CYB5R4: variants seen among roughly 807,000 people sequenced by gnomAD.
The protein encoded by CYB5R4 is cytochrome b5 reductase 4.
CYB5R4 carries 55 observed loss-of-function variants against 70.2 expected under a neutral mutation model. The ratio of observed to expected loss-of-function variants is 0.78; its 90% CI spans 0.63 to 0.98. CYB5R4 has a LOEUF of 0.98. Among genes scored for constraint, CYB5R4 ranks in the 50% least tolerant of loss-of-function variants. CYB5R4 has a pLI of 0.00. For synonymous variants in CYB5R4, 197 were observed against 199.5 expected (o/e 0.99, Z 0.11); for missense variants, 562 against 612.6 (o/e 0.92, Z 0.87).
intron 12 of CYB5R4, among the ~76,000 whole-genome samples, chr6:83,939,472 A>G (rs1171295757): frequency 6.6e-6 from 1 of 152,192 alleles, no homozygotes; most frequent in Non-Finnish European, 1.5e-5. Flanking sequence ...TTTTATGGGA[A>G]TTAAACTCAG....
chr6:83,864,232 A>C lies in CYB5R4; in HGVS notation c.133A>C (p.Lys45Gln). The change falls in exon 2 of 16, where the codon AAG (lysine) becomes CAG (glutamine). Residue 45 changes from lysine to glutamine, a missense_variant. Coordinates refer to ENST00000369681, the MANE Select transcript of CYB5R4 (RefSeq NM_016230.4). ...TTGGATTCGACTGACCAAAAGTGGA[A>C]AGGATCTAACGGGATTAAAAGGCAG... ...MDWIRLTKSG[K>Q]DLTGLKGRLI... 2 of 1,612,984 alleles carry C rather than the reference A, an allele frequency of 1.2e-6. No individual in the cohort carries two copies. The highest frequency in any genetic ancestry group is 1.7e-6 in the Non-Finnish European group (2 of 1,179,470).
chr6:83,908,531 C>G (rs2099464175), intron 3 of CYB5R4, among the ~76,000 whole-genome samples: 1 of 152,144 alleles, frequency 6.6e-6, no homozygotes, highest in Non-Finnish European at 1.5e-5. Flanking sequence ...AATAATTTTT[C>G]TACTTCATGA....
At chr6:83,922,850 G>GTGAT (rs1241483326) in intron 9 of CYB5R4, among the ~76,000 whole-genome samples, 3 of 151,922 alleles carry the variant, frequency 2.0e-5, no homozygotes, top group African/African-American at 7.3e-5. Flanking sequence ...CTGCAGCAGT[G>GTGAT]TGATCTTGGT....
chr6:83,889,100 T>C (rs1468155563), intron 2 of CYB5R4, among the ~76,000 whole-genome samples: 1 of 152,214 alleles, frequency 6.6e-6, no homozygotes, highest in East Asian at 1.9e-4. Context: ...GGTTGGTTCA[T>C]GAGGTTTAAG....
At position 83,959,961 on chromosome 6, in the gene CYB5R4, C is replaced by T; in HGVS notation, c.*83C>T. 1 of 1,081,088 alleles carries T rather than the reference C, an allele frequency of 9.2e-7. No homozygotes were observed. The highest frequency in any genetic ancestry group is 1.3e-6 in the Non-Finnish European group (1 of 766,770). The allele number at this position is 1,081,088 out of a possible 1,614,324, so 67.0% of individuals were successfully genotyped here. Reference sequence around the variant, plus strand: ...GGTTTTTTAAGAGAACATTTTTGTACATAACAAAAGGTTAACTAGAATCCA... The same window carrying T: ...GGTTTTTTAAGAGAACATTTTTGTATATAACAAAAGGTTAACTAGAATCCA... On this transcript the variant is annotated 3_prime_UTR_variant, in exon 16 of 16. Coordinates refer to ENST00000369681, the MANE Select transcript of CYB5R4 (RefSeq NM_016230.4).
intron 2 of CYB5R4, among the ~76,000 whole-genome samples, chr6:83,868,994 TAAA>T (rs1488450313): frequency 1.3e-5 from 2 of 152,234 alleles, no homozygotes; most frequent in Non-Finnish European, 2.9e-5. Context: ...TCCCTGTTGC[TAAA>T]AATTTAGCAG....
In CYB5R4 at chr6:83,916,765, T is replaced by A. The variant is rs367919916; in HGVS notation, c.446-1240T>A. The stretch of plus-strand genomic sequence containing the variant: ...TTTACATCTTACTTGCACTTGAGCT[T>A]GTCTTGAAACAAAACGTTTGTGTCT... On this transcript the variant is annotated intron_variant, in intron 5 of 15. Transcript: ENST00000369681. 2.0e-3 allele frequency among the ~76,000 whole-genome samples: 307 copies of A among 152,290 alleles called. 1 individual carries two copies. Among genetic ancestry groups the A allele is most frequent in the African/African-American group, 7.1e-3 (294 of 41,578 alleles).
chr6:83,936,269 T>C lies in CYB5R4; in HGVS notation c.1001T>C (p.Leu334Pro). Residue 334 changes from leucine to proline, a missense_variant, in exon 12 of 16, where the codon CTC becomes CCC. Coordinates refer to ENST00000369681, the MANE Select transcript of CYB5R4 (RefSeq NM_016230.4). ...TATACACCTGTATCTGGTTCCTTAC[T>C]CTCAGAGTTCAAGGAACCAGTTCTT... ...KPYTPVSGSL[L>P]SEFKEPVLPN... The C allele has an allele frequency of 6.2e-7, 1 of 1,610,366 alleles. No homozygotes were observed. Among genetic ancestry groups the C allele is most frequent in the Non-Finnish European group, 8.5e-7 (1 of 1,178,282 alleles).
intron 2 of CYB5R4, among the ~76,000 whole-genome samples, chr6:83,871,455 T>C (rs2099457621): frequency 6.6e-6 from 1 of 152,200 alleles, no homozygotes; most frequent in Non-Finnish European, 1.5e-5. Context: ...TTCACTCTTT[T>C]CCTTCTCCTC....
At chr6:83,860,309 G>T (rs2099455731) in intron 1 of CYB5R4, among the ~76,000 whole-genome samples, 1 of 152,152 alleles carries the variant, frequency 6.6e-6, no homozygotes, top group Non-Finnish European at 1.5e-5. Flanking sequence ...GACAGTGACC[G>T]TCCGTGCAAG....
At chr6:83,898,368 C>G (rs1303170894) in intron 3 of CYB5R4, among the ~76,000 whole-genome samples, 2 of 152,040 alleles carry the variant, frequency 1.3e-5, no homozygotes, top group Non-Finnish European at 2.9e-5. Context: ...TTACTGTAGC[C>G]TTGTAGTATA....
chr6:83,959,590 A>AT (rs2099472996), intron 15 of CYB5R4, among the ~76,000 whole-genome samples: 1 of 152,166 alleles, frequency 6.6e-6, no homozygotes, highest in African/African-American at 2.4e-5. Flanking sequence ...ATTTTTTAAA[A>AT]TTATGACATT....
At chr6:83,923,046 T>TA (rs989752805) in intron 9 of CYB5R4, among the ~76,000 whole-genome samples, 259 of 144,140 alleles carry the variant, frequency 1.8e-3, no homozygotes, top group Middle Eastern at 3.5e-3. Context: ...TTTTTCTCCT[T>TA]AAAAAAAAAA....
chr6:83,898,593 C>T (rs369864014), intron 3 of CYB5R4, among the ~76,000 whole-genome samples: 15 of 151,538 alleles, frequency 9.9e-5, no homozygotes, highest in African/African-American at 2.4e-4. Flanking sequence ...TTCCTACCCA[C>T]GAGCATGGAA....
At chr6:83,958,230 T>C (rs2099472741) in intron 15 of CYB5R4, among the ~76,000 whole-genome samples, 2 of 152,178 alleles carry the variant, frequency 1.3e-5, no homozygotes. Context: ...AAATATGTAC[T>C]TTATTACAGA....
At position 83,911,686 on chromosome 6, in the gene CYB5R4, G is replaced by A. The variant is rs192728192; in HGVS notation, c.412+2596G>A. ...CTTTCAAATTTCTTCCAGTAGAAAC[G>A]TTCTTCTTCTGTGCTTCAATAACAC... is the stretch of plus-strand genomic sequence containing the variant. On this transcript the variant is annotated intron_variant, in intron 4 of 15. Coordinates refer to ENST00000369681, the MANE Select transcript of CYB5R4 (RefSeq NM_016230.4). Among the ~76,000 whole-genome samples, 113 of 151,944 alleles carry A rather than the reference G, an allele frequency of 7.4e-4. 1 individual carries two copies. The highest frequency in any genetic ancestry group is 2.6e-3 in the African/African-American group (107 of 41,434).
chr6:83,935,599 G>A (rs1423922827), intron 11 of CYB5R4, among the ~76,000 whole-genome samples: 1 of 151,854 alleles, frequency 6.6e-6, no homozygotes, highest in African/African-American at 2.4e-5. Flanking sequence ...CTTCTCTTTG[G>A]AATTTGGCTA....
At chr6:83,911,606 CA>C (rs2099464688) in intron 4 of CYB5R4, among the ~76,000 whole-genome samples, 1 of 152,110 alleles carries the variant, frequency 6.6e-6, no homozygotes, top group African/African-American at 2.4e-5. Flanking sequence ...GGACTCCTGA[CA>C]AATGCCTACA....
intron 9 of CYB5R4, among the ~76,000 whole-genome samples, chr6:83,924,069 C>CAAAAAA (rs34702511): frequency 1.9e-5 from 1 of 52,886 alleles, no homozygotes; most frequent in Non-Finnish European, 3.4e-5. Context: ...GACTCCGTCT[C>CAAAAAA]AAAAAAAAAA....
Sources: gnomAD v4.1 joint callset for allele counts (sites outside exome capture counted in the v4.1 genomes callset) on GRCh38, gnomAD v4.1.1 for gene constraint, MANE v1.5 for transcripts, NCBI Gene and HGNC (gene_info 2026-07-23, HGNC 2026-07-21) for gene names.